The following HACE1 variants were observed in gnomAD, a reference collection of about 807,000 sequenced individuals.
The protein encoded by HACE1 is E3 ubiquitin-protein ligase HACE1.
In HACE1, 73 loss-of-function variants were observed where a neutral mutation model predicts 118.4. The observed-to-expected ratio is 0.62, with a 90% CI of 0.51 to 0.75. The LOEUF (loss-of-function observed/expected upper bound fraction) is 0.75, where lower values mean the gene tolerates loss of function less well. Among genes scored for constraint, HACE1 ranks in the 30% least tolerant of loss-of-function variants. HACE1 has a pLI of 0.00. For synonymous variants in HACE1, 368 were observed against 374.8 expected, an observed-to-expected ratio of 0.98 and a Z score of 0.21; for missense variants, 749 against 1,102.2, an observed-to-expected ratio of 0.68 and a Z score of 4.54.
intron 5 of HACE1, among the ~76,000 whole-genome samples, chr6:104,841,591 T>C (rs1480216355): frequency 3.3e-5 from 5 of 152,172 alleles, no homozygotes; most frequent in Non-Finnish European, 7.4e-5. Flanking sequence ...CATGATTGAG[T>C]TTATTCTATA....
At chr6:104,799,308 GA>G (rs1770034899) in intron 7 of HACE1, among the ~76,000 whole-genome samples, 1 of 152,120 alleles carries the variant, frequency 6.6e-6, no homozygotes, top group African/African-American at 2.4e-5. Context: ...CAGTTTCAAT[GA>G]ATCAGACAGC....
chr6:104,848,212 T>C (rs575209157), intron 4 of HACE1, among the ~76,000 whole-genome samples: 151 of 150,996 alleles, frequency 1.0e-3, no homozygotes, highest in Non-Finnish European at 1.7e-3. Flanking sequence ...TCCCAGCACT[T>C]TGGGAGGCCG....
At chr6:104,845,643 A>G (rs904389748) in intron 4 of HACE1, 12 of 151,948 alleles carry the variant, frequency 7.9e-5, no homozygotes, top group African/African-American at 2.7e-4. Context: ...ATGCCTGGCT[A>G]ATTTTCTGTA....
At chr6:104,811,255 T>C (rs1480399966) in intron 7 of HACE1, 56 bp downstream of exon 7, 2 of 285,330 alleles carry the variant, frequency 7.0e-6, no homozygotes, top group South Asian at 6.1e-5. Flanking sequence ...TACATATATA[T>C]ATATATATAT....
At chr6:104,801,153 G>C (rs904946444) in intron 7 of HACE1, among the ~76,000 whole-genome samples, 19 of 152,060 alleles carry the variant, frequency 1.2e-4, no homozygotes, top group African/African-American at 4.6e-4. Context: ...AAAGTGAAAA[G>C]ACAAGATTAG....
intron 2 of HACE1, among the ~76,000 whole-genome samples, 195 bp from the exon 3 acceptor site, chr6:104,851,191 C>A (rs976080153): frequency 5.9e-5 from 9 of 152,214 alleles, no homozygotes; most frequent in Non-Finnish European, 1.3e-4. Flanking sequence ...TCAAGCAATT[C>A]TCCTGCCTCA....
At chr6:104,797,216 T>A (rs562477803) in intron 7 of HACE1, among the ~76,000 whole-genome samples, 191 bp from the exon 8 acceptor site, 2 of 152,258 alleles carry the variant, frequency 1.3e-5, no homozygotes, top group East Asian at 3.9e-4. Context: ...TAGACCAGAA[T>A]GTGACCTATT....
intron 19 of HACE1, among the ~76,000 whole-genome samples, chr6:104,762,718 C>T (rs760103402): frequency 5.3e-5 from 8 of 151,886 alleles, no homozygotes; most frequent in Admixed American, 1.3e-4. Flanking sequence ...AGGCCGGGCG[C>T]GGTAGCTCAC....
At chr6:104,756,425 AAATATATAT>A (rs1282809316) in intron 19 of HACE1, among the ~76,000 whole-genome samples, 1 of 109,632 alleles carries the variant, frequency 9.1e-6, no homozygotes, top group Non-Finnish European at 1.9e-5. Context: ...AAAAAAAAAA[AAATATATAT>A]ATATATATAT....
chr6:104,783,836 TAA>T (rs1009604746), intron 14 of HACE1, among the ~76,000 whole-genome samples: 2 of 152,226 alleles, frequency 1.3e-5, no homozygotes, highest in Non-Finnish European at 2.9e-5. Context: ...CTTATAGAAC[TAA>T]AGAGTTTCAT....
intron 5 of HACE1, among the ~76,000 whole-genome samples, chr6:104,840,552 G>T (rs565187967): frequency 6.6e-6 from 1 of 152,104 alleles, no homozygotes; most frequent in Non-Finnish European, 1.5e-5. Flanking sequence ...AGAGAGGCCC[G>T]TCGCGGTGGC....
At chr6:104,764,487 C>T (rs754334754) in intron 19 of HACE1, among the ~76,000 whole-genome samples, 2 of 152,174 alleles carry the variant, frequency 1.3e-5, no homozygotes, top group Non-Finnish European at 2.9e-5. Flanking sequence ...ATGTTTCCTC[C>T]AGGGTTATCT....
intron 10 of HACE1, among the ~76,000 whole-genome samples, chr6:104,793,430 A>G (rs1240558804): frequency 6.6e-6 from 1 of 152,198 alleles, no homozygotes; most frequent in Non-Finnish European, 1.5e-5. Context: ...ACTTTCAATC[A>G]TAAATATATA....
Position 104,784,173 on chromosome 6 carries a change from T to C in HACE1, c.1479A>G (p.Arg493=). Residue 493 remains arginine (R), a splice_region_variant and synonymous_variant, in exon 14 of 24, where the codon AGA becomes AGG. Transcript: ENST00000262903. ...HDEVLKCFVN[R]NPKIIFDHFH... is the part of the protein sequence containing the mutation. The stretch of plus-strand genomic sequence containing the variant: ...AGTGGTCAAATATAATTTTGGGATT[T>C]CTAAAAGAAAAATATTTTGTTTAAA... The C allele has an allele frequency of 1.3e-6, 2 of 1,541,606 alleles. No individual in the cohort carries two copies. Among genetic ancestry groups the C allele is most frequent in the East Asian group, 4.5e-5 (2 of 44,490 alleles).
At chr6:104,758,320 A>G (rs1778944968) in intron 19 of HACE1, among the ~76,000 whole-genome samples, 1 of 152,362 alleles carries the variant, frequency 6.6e-6, no homozygotes, top group South Asian at 2.1e-4. Flanking sequence ...TTACCCACAA[A>G]GGGAAGCCCA....
At chr6:104,799,399 A>G (rs1770046293) in intron 7 of HACE1, among the ~76,000 whole-genome samples, 3 of 152,210 alleles carry the variant, frequency 2.0e-5, no homozygotes, top group Non-Finnish European at 4.4e-5. Flanking sequence ...CTTTGCTTCC[A>G]TATTCAGCCT....
At chr6:104,809,757 T>C (rs1222974718) in intron 7 of HACE1, among the ~76,000 whole-genome samples, 3 of 151,160 alleles carry the variant, frequency 2.0e-5, no homozygotes, top group Non-Finnish European at 4.4e-5. Flanking sequence ...ACTGCAGTAC[T>C]CTAGGCAAAA....
intron 6 of HACE1, among the ~76,000 whole-genome samples, chr6:104,830,459 C>T (rs1773743967): frequency 6.6e-6 from 1 of 152,114 alleles, no homozygotes; most frequent in Non-Finnish European, 1.5e-5. Context: ...TCCTATAACC[C>T]TCCATTTTTC....
At chr6:104,849,710 G>A (rs1161864102) in intron 3 of HACE1, among the ~76,000 whole-genome samples, 2 of 149,716 alleles carry the variant, frequency 1.3e-5, no homozygotes, top group Admixed American at 6.7e-5. Context: ...GTGCAGTGGT[G>A]CGATGTCAGC....
Sources: allele counts gnomAD v4.1 joint callset (sites outside exome capture counted in the v4.1 genomes callset), GRCh38; gene constraint gnomAD v4.1.1; transcripts MANE v1.5; gene names NCBI Gene and HGNC (gene_info 2026-07-23, HGNC 2026-07-21).